Variants in MAPKAP1 observed in about 807,000 individuals in gnomAD.
MAPKAP1 encodes the protein target of rapamycin complex 2 subunit MAPKAP1.
MAPKAP1 carries 20 observed loss-of-function variants against 65.7 expected under a neutral mutation model. The observed-to-expected ratio is 0.30, with a 90% confidence interval of 0.21 to 0.44. MAPKAP1 has a LOEUF of 0.44. MAPKAP1 is among the 20% of genes least tolerant of loss of function. The pLI is 1.00. For missense variants in MAPKAP1, 423 were observed against 648.0 expected (o/e 0.65, Z 3.77); for synonymous variants, 222 against 244.3 (o/e 0.91, Z 0.85).
At chr9:125,590,376 G>A (rs1334069317) in intron 4 of MAPKAP1, among the ~76,000 whole-genome samples, 2 of 152,094 alleles carry the variant, frequency 1.3e-5, no homozygotes, top group Non-Finnish European at 2.9e-5. Flanking sequence ...TAGGCCAGGT[G>A]CGGTGGCTCA....
intron 8 of MAPKAP1, among the ~76,000 whole-genome samples, chr9:125,503,398 C>T (rs1829040970): frequency 6.6e-6 from 1 of 152,200 alleles, no homozygotes; most frequent in African/African-American, 2.4e-5. Context: ...CAAAAGCGCT[C>T]GTAGGCGTTG....
chr9:125,610,303 A>G (rs975047259), intron 4 of MAPKAP1, among the ~76,000 whole-genome samples: 4 of 152,226 alleles, frequency 2.6e-5, no homozygotes, highest in African/African-American at 9.6e-5. Context: ...ATCCTGACCA[A>G]CCCTCAAACA....
At chr9:125,484,677 G>A (rs1854434662) in intron 8 of MAPKAP1, 94 bp from the exon 9 acceptor site, 1 of 1,250,834 alleles carries the variant, frequency 8.0e-7, no homozygotes, top group Non-Finnish European at 1.1e-6. Context: ...AAAATAATAT[G>A]GGCTATTTAA....
chr9:125,511,734 C>G (rs1208493508), intron 7 of MAPKAP1, among the ~76,000 whole-genome samples: 1 of 152,180 alleles, frequency 6.6e-6, no homozygotes, highest in Non-Finnish European at 1.5e-5. Flanking sequence ...AGGGCTCTTT[C>G]ACACTGAACA....
intron 7 of MAPKAP1, among the ~76,000 whole-genome samples, chr9:125,513,970 G>A (rs1242280552): frequency 6.6e-6 from 1 of 152,166 alleles, no homozygotes; most frequent in Non-Finnish European, 1.5e-5. Flanking sequence ...TACAAATATA[G>A]TCTAAAAATG....
At chr9:125,589,697 C>G (rs193218568) in intron 4 of MAPKAP1, among the ~76,000 whole-genome samples, 1 of 152,176 alleles carries the variant, frequency 6.6e-6, no homozygotes, top group African/African-American at 2.4e-5. Context: ...TAGAGTAATT[C>G]CACTTTGCAC....
chr9:125,459,790 C>CAGAGGGAGACCGTGGAAAGAGGG (rs1853396983), intron 10 of MAPKAP1, among the ~76,000 whole-genome samples: 1 of 91,214 alleles, frequency 1.1e-5, no homozygotes, highest in Non-Finnish European at 2.4e-5. Flanking sequence ...GGCTCGGCAT[C>CAGAGGGAGACCGTGGAAAGAGGG]AGAGGGAGAC....
chr9:125,486,894 G>A (rs1280065790), intron 8 of MAPKAP1, among the ~76,000 whole-genome samples: 2 of 152,058 alleles, frequency 1.3e-5, no homozygotes, highest in Non-Finnish European at 2.9e-5. Flanking sequence ...GCAAGCCCCC[G>A]GCACTAGTTT....
chr9:125,448,418 C>T (rs896916940), intron 10 of MAPKAP1, among the ~76,000 whole-genome samples: 17 of 152,106 alleles, frequency 1.1e-4, no homozygotes, highest in African/African-American at 4.1e-4. Context: ...CCATAGGTGT[C>T]TGGGAAGAAG....
rs1264171036 is a variant in MAPKAP1, at chr9:125,595,279, C to A, written c.499-9552G>T. ...CTAGGCCAATTATGAAATATCAATA[C>A]TATGAACCAAAGGTTACCCAATTAA... On this transcript the variant is annotated intron_variant, in intron 4 of 11. Transcript: ENST00000265960. The surrounding 1 kb of genome is among the most constrained non-coding windows in gnomAD (Gnocchi z 4.0). 1.3e-5 allele frequency among the ~76,000 whole-genome samples: 2 copies of A among 152,126 alleles called. No homozygotes were observed. The highest frequency in any genetic ancestry group is 2.9e-5 in the Non-Finnish European group (2 of 68,020).
At chr9:125,544,241 CT>C (rs1401387313) in intron 6 of MAPKAP1, among the ~76,000 whole-genome samples, 3 of 152,068 alleles carry the variant, frequency 2.0e-5, no homozygotes, top group African/African-American at 7.2e-5. Context: ...AACTCCTGAC[CT>C]TGTGATCTGC....
At chr9:125,687,856 C>T (rs1019284547) in intron 1 of MAPKAP1, among the ~76,000 whole-genome samples, 1 of 152,196 alleles carries the variant, frequency 6.6e-6, no homozygotes, top group Non-Finnish European at 1.5e-5. Flanking sequence ...ATATTACTGA[C>T]TTTTCCTATT....
At chr9:125,473,748 T>C (rs151088596) in intron 9 of MAPKAP1, among the ~76,000 whole-genome samples, 3 of 152,310 alleles carry the variant, frequency 2.0e-5, no homozygotes, top group South Asian at 2.1e-4. Context: ...CAGAGGCTTA[T>C]TGAGAGCTTA....
chr9:125,631,878 G>A (rs1444077623), intron 4 of MAPKAP1, among the ~76,000 whole-genome samples: 3 of 152,114 alleles, frequency 2.0e-5, no homozygotes, highest in African/African-American at 7.2e-5. Flanking sequence ...AGTCTTCCCT[G>A]ATATTCTCCC....
intron 10 of MAPKAP1, among the ~76,000 whole-genome samples, chr9:125,459,405 G>C (rs1853366422): frequency 6.6e-6 from 1 of 151,914 alleles, no homozygotes. Flanking sequence ...TCACTTCCCA[G>C]ACGGGGTGGC....
chr9:125,460,204 A>ATT (rs1249292710), intron 10 of MAPKAP1, among the ~76,000 whole-genome samples: 1 of 152,062 alleles, frequency 6.6e-6, no homozygotes, highest in Non-Finnish European at 1.5e-5. Context: ...ATGTATAGAA[A>ATT]TTTTTCATTT....
chr9:125,595,972 CTG>C lies in MAPKAP1; in HGVS notation c.499-10247_499-10246del. On this transcript the variant is annotated intron_variant, in intron 4 of 11. Transcript: ENST00000265960. This position sits in a 1 kb window ranked among gnomAD's most constrained non-coding sequence, Gnocchi z 4.0. The stretch of plus-strand genomic sequence containing the variant: ...TCTCAAAGACCAGGTGCCCACTTAA[CTG>C]TGAAAAAGATATTTGTTGGTGGCAT... The C allele has an allele frequency of 1.3e-6, 2 of 1,517,558 alleles. No homozygotes were observed. Among genetic ancestry groups the C allele is most frequent in the South Asian group, 2.2e-5 (2 of 89,376 alleles). The allele number at this position is 1,517,558 out of a possible 1,614,324, so 94.0% of individuals were successfully genotyped here.
At chr9:125,459,535 G>A (rs1322482838) in intron 10 of MAPKAP1, among the ~76,000 whole-genome samples, 16 of 152,152 alleles carry the variant, frequency 1.1e-4, no homozygotes, top group Non-Finnish European at 2.2e-4. Flanking sequence ...ATTGAGCACT[G>A]AGTGAACGAG....
intron 4 of MAPKAP1, among the ~76,000 whole-genome samples, chr9:125,610,050 C>A (rs964813027): frequency 6.6e-6 from 1 of 152,202 alleles, no homozygotes; most frequent in Non-Finnish European, 1.5e-5. Context: ...CTTAACTTGA[C>A]AACAATTCTT....
Sources: gnomAD v4.1 joint callset for allele counts (sites outside exome capture counted in the v4.1 genomes callset) on GRCh38, gnomAD v4.1.1 for gene constraint, Gnocchi (gnomAD v3.1) non-coding constraint, MANE v1.5 for transcripts, NCBI Gene and HGNC (gene_info 2026-07-23, HGNC 2026-07-21) for gene names.